HIVEP2: variants seen among roughly 807,000 people sequenced by gnomAD.
The protein encoded by HIVEP2 is HIVEP zinc finger 2.
Under a neutral mutation model 180.7 loss-of-function variants are expected in HIVEP2, and 14 were observed. The observed-to-expected ratio is 0.08, with a 90% confidence interval of 0.05 to 0.12. The LOEUF is 0.12. HIVEP2 is among the 10% of genes least tolerant of loss of function. The pLI, the probability that HIVEP2 is intolerant of heterozygous loss-of-function variation, is 1.00. For missense variants in HIVEP2, 2,579 were observed against 3,008.5 expected (o/e 0.86, Z 3.34); for synonymous variants, 1,184 against 1,136.4 (o/e 1.04, Z -0.84).
At chr6:142,765,480 T>C (rs1242396476) in intron 6 of HIVEP2, among the ~76,000 whole-genome samples, 1 of 152,228 alleles carries the variant, frequency 6.6e-6, no homozygotes, top group African/African-American at 2.4e-5. Flanking sequence ...TACTCTATTT[T>C]TACAATCCTG....
intron 1 of HIVEP2, among the ~76,000 whole-genome samples, chr6:142,839,188 T>G (rs1330374323): frequency 6.6e-6 from 1 of 152,200 alleles, no homozygotes; most frequent in African/African-American, 2.4e-5. Context: ...AATATTTATT[T>G]AGAAATGTTC....
chr6:142,818,855 G>A (rs2114823067), intron 2 of HIVEP2, among the ~76,000 whole-genome samples: 1 of 151,676 alleles, frequency 6.6e-6, no homozygotes, highest in South Asian at 2.1e-4. Flanking sequence ...AAATGCCCAG[G>A]AACCAGGCAA....
chr6:142,913,947 G>A (rs554608453), intron 1 of HIVEP2, among the ~76,000 whole-genome samples: 4 of 152,094 alleles, frequency 2.6e-5, no homozygotes, highest in Non-Finnish European at 5.9e-5. Flanking sequence ...TCCCACCACA[G>A]TGTACCGCAA....
intron 1 of HIVEP2, among the ~76,000 whole-genome samples, chr6:142,844,849 T>C (rs1775468066): frequency 6.6e-6 from 1 of 152,186 alleles, no homozygotes; most frequent in African/African-American, 2.4e-5. Context: ...CTGCTACTTA[T>C]GAATGGTTAC....
At chr6:142,863,717 T>C (rs1776063416) in intron 1 of HIVEP2, among the ~76,000 whole-genome samples, 1 of 152,202 alleles carries the variant, frequency 6.6e-6, no homozygotes, top group South Asian at 2.1e-4. Context: ...TCTACATTCA[T>C]CTAACTACGC....
At chr6:142,825,827 T>G (rs1202464939) in intron 2 of HIVEP2, among the ~76,000 whole-genome samples, 1 of 152,188 alleles carries the variant, frequency 6.6e-6, no homozygotes, top group Non-Finnish European at 1.5e-5. Flanking sequence ...ATGAATTTAA[T>G]TAATTAATTT....
chr6:142,818,247 A>T (rs1776895096), intron 2 of HIVEP2, among the ~76,000 whole-genome samples: 2 of 152,200 alleles, frequency 1.3e-5, no homozygotes, highest in Admixed American at 1.3e-4. Flanking sequence ...TCTAAAGGCA[A>T]GGAAGCCTTC....
At position 142,770,294 on chromosome 6, in the gene HIVEP2, T is replaced by A. The variant is rs765107943; in HGVS notation, c.4445A>T (p.Asp1482Val). The A allele has an allele frequency of 2.5e-6, 4 of 1,614,190 alleles. No homozygotes were observed. Among genetic ancestry groups the A allele is most frequent in the East Asian group, 2.2e-5 (1 of 44,862 alleles). ...GGGGCGGGAGAGGTCCTTTTTGATG[T>A]CTGAGTTGGTCAGCTCCACAGCACT... The part of the protein sequence containing the change: ...ELSAVELTNS[D>V]IKKDLSRPQK... The change falls in exon 5 of 10, where the codon GAC becomes GTC. Residue 1482 changes from aspartate (D) to valine (V), a missense_variant. Around this residue, in one of 11 missense-constraint regions of HIVEP2, gnomAD observed 349 missense variants for 367.2 expected, o/e 0.95. Transcript: ENST00000367603. This position sits in a 1 kb window ranked among gnomAD's most constrained non-coding sequence, Gnocchi z 4.7.
rs189588291 is a variant in HIVEP2 at position 142,764,039 on chromosome 6, C to A, written c.5518+760G>T. On this transcript the variant is annotated intron_variant, in intron 7 of 9. Transcript: ENST00000367603. The stretch of plus-strand genomic sequence containing the variant: ...GGGGGTGCCTATAGTATCCACTAAA[C>A]CTAAGGTAAAACACACTTCTGCAAA... 1.1e-3 allele frequency among the ~76,000 whole-genome samples: 169 copies of A among 152,154 alleles called. 1 individual carries two copies. The highest frequency in any genetic ancestry group is 1.6e-3 in the Non-Finnish European group (107 of 67,996).
intron 2 of HIVEP2, among the ~76,000 whole-genome samples, chr6:142,823,931 T>A (rs529937825): frequency 6.6e-6 from 1 of 152,236 alleles, no homozygotes; most frequent in Non-Finnish European, 1.5e-5. Flanking sequence ...CATTTTAATA[T>A]AGATTTATTT....
chr6:142,763,368 C>G (rs533603810), intron 7 of HIVEP2, among the ~76,000 whole-genome samples: 1 of 152,284 alleles, frequency 6.6e-6, no homozygotes, highest in East Asian at 1.9e-4. Context: ...GGACAACAGG[C>G]ATTTCAGTCG....
intron 1 of HIVEP2, among the ~76,000 whole-genome samples, chr6:142,896,743 A>G (rs368353367): frequency 6.6e-6 from 1 of 152,190 alleles, no homozygotes; most frequent in Non-Finnish European, 1.5e-5. Flanking sequence ...TTCTGCCCCA[A>G]TCAGTCCTTT....
At chr6:142,801,191 CAAAA>C (rs10717703) in intron 2 of HIVEP2, among the ~76,000 whole-genome samples, 1 of 86,990 alleles carries the variant, frequency 1.1e-5, no homozygotes, top group Non-Finnish European at 2.2e-5. Context: ...TGGCCAGTGT[CAAAA>C]AAAAAAAAAA....
chr6:142,770,563 G>C lies in HIVEP2; in HGVS notation c.4176C>G (p.Ala1392=). 1 of 1,614,168 alleles carries C rather than the reference G, an allele frequency of 6.2e-7. No individual in the cohort carries two copies. Among genetic ancestry groups the C allele is most frequent in the Non-Finnish European group, 8.5e-7 (1 of 1,180,018 alleles). The part of the protein sequence containing the change: ...AAMQGIGFNI[A]QVLGQHAGLE... ...AGCCCGCATGCTGCCCCAGCACCTG[G>C]GCAATGTTGAATCCTATCCCTTGCA... Residue 1392 remains alanine, a synonymous_variant, in exon 5 of 10, where the codon GCC becomes GCG. Coordinates refer to ENST00000367603, the MANE Select transcript of HIVEP2 (RefSeq NM_006734.4). The surrounding 1 kb of genome is among the most constrained non-coding windows in gnomAD (Gnocchi z 4.7).
chr6:142,845,532 C>G (rs906174680), intron 1 of HIVEP2, among the ~76,000 whole-genome samples: 9 of 152,102 alleles, frequency 5.9e-5, no homozygotes, highest in African/African-American at 2.2e-4. Flanking sequence ...TTCTGTGTCA[C>G]CTGCTTTTAG....
At chr6:142,804,326 G>A (rs1776492220) in intron 2 of HIVEP2, among the ~76,000 whole-genome samples, 2 of 152,144 alleles carry the variant, frequency 1.3e-5, no homozygotes, top group Non-Finnish European at 2.9e-5. Flanking sequence ...CAGGTAAGAG[G>A]TGGTTTGGAA....
Position 142,753,201 on chromosome 6 carries a change from T to A in HIVEP2, c.7247A>T (p.Asp2416Val). The A allele has an allele frequency of 6.2e-7, 1 of 1,614,046 alleles. No homozygotes were observed. Among genetic ancestry groups the A allele is most frequent in the Non-Finnish European group, 8.5e-7 (1 of 1,179,874 alleles). The change falls in exon 10 of 10, where the codon GAT (aspartate) becomes GTT (valine). Residue 2416 changes from aspartate (D) to valine (V), a missense_variant. By Grantham distance (152) the Asp-to-Val change is radical (BLOSUM62 -3). Around this residue, in one of 11 missense-constraint regions of HIVEP2, gnomAD observed 660 missense variants for 731.7 expected, o/e 0.90. Transcript: ENST00000367603. ...HSTFYSKSCV[D>V]DKQLDFHSSK... ...GCTGTGAAAGTCCAACTGCTTGTCATCCACACAACTCTTGCTGTAAAACGT... is the reference window on the plus strand; with the variant it reads ...GCTGTGAAAGTCCAACTGCTTGTCAACCACACAACTCTTGCTGTAAAACGT...
intron 2 of HIVEP2, among the ~76,000 whole-genome samples, chr6:142,785,046 C>T (rs1775951751): frequency 1.3e-5 from 2 of 151,790 alleles, no homozygotes; most frequent in South Asian, 4.2e-4. Context: ...CACCACCACG[C>T]CCAGCTAATT....
intron 1 of HIVEP2, among the ~76,000 whole-genome samples, chr6:142,916,392 A>G (rs916383012): frequency 6.6e-6 from 1 of 152,192 alleles, no homozygotes; most frequent in African/African-American, 2.4e-5. Context: ...CCCTGTGTGG[A>G]CCAAGCCCTG....
Sources: allele counts gnomAD v4.1 joint callset (sites outside exome capture counted in the v4.1 genomes callset), GRCh38; gene constraint gnomAD v4.1.1; regional missense constraint gnomAD v4.1.1; non-coding constraint Gnocchi (gnomAD v3.1); transcripts MANE v1.5; gene names NCBI Gene and HGNC (gene_info 2026-07-23, HGNC 2026-07-21).